FILIP1: variants seen among roughly 807,000 people sequenced by gnomAD.
The protein encoded by FILIP1 is filamin A interacting protein 1.
A neutral mutation model predicts 102.1 loss-of-function variants in FILIP1; 61 were observed. The ratio of observed to expected loss-of-function variants is 0.60; its 90% confidence interval spans 0.49 to 0.74. The LOEUF (loss-of-function observed/expected upper bound fraction) is 0.74, where lower values mean the gene tolerates loss of function less well. Among genes scored for constraint, FILIP1 ranks in the 30% least tolerant of loss-of-function variants. FILIP1 has a pLI of 0.00. For missense variants in FILIP1, 1,314 were observed against 1,441.2 expected (o/e 0.91, Z 1.43); for synonymous variants, 491 against 526.9 (o/e 0.93, Z 0.93).
intron 6 of FILIP1, among the ~76,000 whole-genome samples, chr6:75,302,085 A>G (rs1046598397): frequency 6.6e-6 from 1 of 152,100 alleles, no homozygotes; most frequent in Non-Finnish European, 1.5e-5. Flanking sequence ...TAACTCATGC[A>G]TGTACTGTGT....
chr6:75,393,922 G>A (rs1333483432), intron 2 of FILIP1, among the ~76,000 whole-genome samples: 2 of 152,156 alleles, frequency 1.3e-5, no homozygotes, highest in East Asian at 3.8e-4. Context: ...GCAGTTAGCT[G>A]CAGCTCTTGG....
intron 2 of FILIP1, among the ~76,000 whole-genome samples, chr6:75,382,989 A>G (rs1054174943): frequency 9.2e-5 from 14 of 152,334 alleles, no homozygotes; most frequent in African/African-American, 3.4e-4. Context: ...GAGAGTCTTC[A>G]CCTATGTTTT....
At chr6:75,379,708 G>A (rs935080373) in intron 2 of FILIP1, among the ~76,000 whole-genome samples, 6 of 152,118 alleles carry the variant, frequency 3.9e-5, no homozygotes, top group Non-Finnish European at 5.9e-5. Flanking sequence ...CTCCAGGCAC[G>A]CTTTCCCCTA....
At chr6:75,386,532 T>C (rs1028771616) in intron 2 of FILIP1, among the ~76,000 whole-genome samples, 1 of 152,186 alleles carries the variant, frequency 6.6e-6, no homozygotes, top group Non-Finnish European at 1.5e-5. Context: ...CAGTTCCAGC[T>C]GAAGTCTTAG....
At chr6:75,327,657 A>G (rs970269450) in intron 4 of FILIP1, among the ~76,000 whole-genome samples, 15 of 151,220 alleles carry the variant, frequency 9.9e-5, no homozygotes, top group African/African-American at 3.6e-4. Context: ...TATTTAAGAA[A>G]CTAGTTTGTT....
intron 3 of FILIP1, among the ~76,000 whole-genome samples, chr6:75,360,079 C>G (rs1775126752): frequency 6.6e-6 from 1 of 152,162 alleles, no homozygotes; most frequent in South Asian, 2.1e-4. Flanking sequence ...CTTGCCATTT[C>G]CCATAATTAT....
chr6:75,442,753 A>T (rs1778313323), intron 1 of FILIP1, among the ~76,000 whole-genome samples: 1 of 147,580 alleles, frequency 6.8e-6, no homozygotes, highest in South Asian at 2.3e-4. Flanking sequence ...GGGGAGAGGG[A>T]GAGGGAGAGG....
Position 75,314,898 on chromosome 6 carries a change from G to T in FILIP1, c.934C>A (p.Gln312Lys), listed in dbSNP as rs550245608. Reference sequence around the variant, plus strand: ...TTAGCGTTCATCTCTTCATGCTCTTGAGAAAACCTCGAAGCCTTGTGTTCA... The same window carrying T: ...TTAGCGTTCATCTCTTCATGCTCTTTAGAAAACCTCGAAGCCTTGTGTTCA... ...DFEHKASRFS[Q>K]EHEEMNAKLA... Residue 312 changes from glutamine to lysine, a missense_variant, in exon 5 of 6, where the codon CAA becomes AAA. Gln to Lys is a moderately conservative substitution (Grantham distance 53, BLOSUM62 1). Around this residue, in one of 3 missense-constraint regions of FILIP1, gnomAD observed 494 missense variants for 511.2 expected, o/e 0.97. Coordinates refer to ENST00000237172, the MANE Select transcript of FILIP1 (RefSeq NM_015687.5). 2.1e-5 allele frequency: 34 copies of T among 1,614,080 alleles called. No homozygotes were observed. In the African/African-American group the frequency reaches 4.0e-4, roughly 19 times the overall value.
chr6:75,296,380 T>G (rs1236019682), intron 6 of FILIP1: 1 of 146,330 alleles, frequency 6.8e-6, no homozygotes, highest in African/African-American at 2.6e-5. Context: ...TGTGTGTGTG[T>G]GTGGATTAGA....
intron 2 of FILIP1, among the ~76,000 whole-genome samples, chr6:75,373,386 CT>C (rs1249172811): frequency 1.3e-5 from 2 of 152,220 alleles, no homozygotes; most frequent in Admixed American, 6.5e-5. Flanking sequence ...GGTGAATATA[CT>C]TAATGCCACT....
At chr6:75,365,278 C>A (rs538895532) in intron 2 of FILIP1, among the ~76,000 whole-genome samples, 41 of 152,084 alleles carry the variant, frequency 2.7e-4, no homozygotes, top group African/African-American at 9.6e-4. Flanking sequence ...ATACTGATTA[C>A]AAAATTTCTG....
At chr6:75,309,719 C>T (rs188628026) in intron 5 of FILIP1, among the ~76,000 whole-genome samples, 2 of 152,288 alleles carry the variant, frequency 1.3e-5, no homozygotes, top group African/African-American at 2.4e-5. Flanking sequence ...GCTAGTCCCC[C>T]TAAAGTTTCT....
chr6:75,465,930 T>C (rs1779150178), intron 1 of FILIP1, among the ~76,000 whole-genome samples: 1 of 152,126 alleles, frequency 6.6e-6, no homozygotes, highest in East Asian at 1.9e-4. Flanking sequence ...TTGCAACTCC[T>C]CTCTCCCTCA....
intron 3 of FILIP1, among the ~76,000 whole-genome samples, chr6:75,355,988 G>A (rs952554300): frequency 1.3e-5 from 2 of 152,160 alleles, no homozygotes; most frequent in African/African-American, 4.8e-5. Context: ...CTGTCCACTA[G>A]ATGCCAGTAA....
At chr6:75,413,784 G>GA (rs35853449) in intron 2 of FILIP1, among the ~76,000 whole-genome samples, 30,829 of 136,454 alleles carry the variant, frequency 0.23, 3,300 homozygotes, top group Middle Eastern at 0.32. Flanking sequence ...TCTTCTCCAG[G>GA]AAAAAAAAAA....
intron 4 of FILIP1, among the ~76,000 whole-genome samples, chr6:75,328,887 C>T (rs1353600107): frequency 6.6e-6 from 1 of 152,188 alleles, no homozygotes; most frequent in Middle Eastern, 3.2e-3. Flanking sequence ...TCACTTTCCT[C>T]ACAGTGCCAT....
chr6:75,294,793 A>G (rs1189628568), exon 7 of FILIP1: 1 of 151,310 alleles, frequency 6.6e-6, no homozygotes, highest in Non-Finnish European at 1.5e-5. Flanking sequence ...CCTGGGCTCA[A>G]GTGATCCTCC....
chr6:75,374,973 G>C (rs1337104262), intron 2 of FILIP1, among the ~76,000 whole-genome samples: 2 of 152,358 alleles, frequency 1.3e-5, no homozygotes, highest in South Asian at 4.1e-4. Flanking sequence ...CTGGAGGACT[G>C]AGTGGCGGGT....
At position 75,362,734 on chromosome 6, in the gene FILIP1, A is replaced by G. The variant is rs1443535092; in HGVS notation, c.450+10T>C. 1 of 1,611,232 alleles carries G rather than the reference A, an allele frequency of 6.2e-7. No homozygotes were observed. The highest frequency in any genetic ancestry group is 8.5e-7 in the Non-Finnish European group (1 of 1,179,072). On this transcript the variant is annotated intron_variant, in intron 3 of 5. Coordinates refer to ENST00000237172, the MANE Select transcript of FILIP1 (RefSeq NM_015687.5). Reference sequence around the variant, plus strand: ...CCCATCCAGGGGACTTGTTGGTGTCATATTTTTACCTCTGAAATCGGTTTC... The same window carrying G: ...CCCATCCAGGGGACTTGTTGGTGTCGTATTTTTACCTCTGAAATCGGTTTC...
Sources: gnomAD v4.1 joint callset for allele counts (sites outside exome capture counted in the v4.1 genomes callset) on GRCh38, gnomAD v4.1.1 for gene constraint, gnomAD v4.1.1 regional missense constraint, MANE v1.5 for transcripts, NCBI Gene and HGNC (gene_info 2026-07-23, HGNC 2026-07-21) for gene names.